ARHGAP5: variants seen among roughly 807,000 people sequenced by gnomAD.
ARHGAP5 encodes the protein Rho GTPase activating protein 5.
Under a neutral mutation model 116.6 loss-of-function variants are expected in ARHGAP5, and 23 were observed. The ratio of observed to expected loss-of-function variants is 0.20; its 90% CI spans 0.14 to 0.28. ARHGAP5 has a LOEUF of 0.28. Among genes scored for constraint, ARHGAP5 ranks in the 10% least tolerant of loss-of-function variants. The pLI is 1.00. For synonymous variants in ARHGAP5, 574 were observed against 602.0 expected (o/e 0.95, Z 0.68); for missense variants, 1,405 against 1,774.8 (o/e 0.79, Z 3.74).
intron 3 of ARHGAP5, among the ~76,000 whole-genome samples, chr14:32,133,345 C>T (rs1472926037): frequency 6.6e-6 from 1 of 152,126 alleles, no homozygotes; most frequent in East Asian, 1.9e-4. Flanking sequence ...CTCTTTGAAG[C>T]AATTGTGAAT....
chr14:32,111,784 TG>T (rs1879313696), intron 2 of ARHGAP5, among the ~76,000 whole-genome samples: 1 of 152,002 alleles, frequency 6.6e-6, no homozygotes, highest in African/African-American at 2.4e-5. Context: ...GTTTCTGTGA[TG>T]AGTTTTTTCT....
chr14:32,115,303 T>C (rs1277990011), intron 2 of ARHGAP5, among the ~76,000 whole-genome samples: 1 of 152,240 alleles, frequency 6.6e-6, no homozygotes, highest in Non-Finnish European at 1.5e-5. Flanking sequence ...AAATTCTTAC[T>C]TAATTTTGTC....
intron 3 of ARHGAP5, among the ~76,000 whole-genome samples, chr14:32,131,433 G>A (rs867800340): frequency 6.6e-6 from 1 of 151,990 alleles, no homozygotes; most frequent in African/African-American, 2.4e-5. Context: ...CATTCACATT[G>A]TTGTGCACCC....
intron 3 of ARHGAP5, among the ~76,000 whole-genome samples, chr14:32,131,833 T>A (rs1233585805): frequency 6.6e-6 from 1 of 151,594 alleles, no homozygotes; most frequent in Non-Finnish European, 1.5e-5. Flanking sequence ...GAACATGCGG[T>A]GTTTGGTTTT....
intron 3 of ARHGAP5, among the ~76,000 whole-genome samples, chr14:32,141,843 C>A (rs1030019701): frequency 1.3e-5 from 2 of 152,114 alleles, no homozygotes; most frequent in Non-Finnish European, 2.9e-5. Context: ...CTACTGTCTT[C>A]TAACCTCCAT....
At chr14:32,094,595 C>T (rs1417762877) in intron 2 of ARHGAP5, among the ~76,000 whole-genome samples, 5 of 152,100 alleles carry the variant, frequency 3.3e-5, no homozygotes, top group Admixed American at 6.5e-5. Context: ...TATTCTTCAG[C>T]ATAAAAATTC....
chr14:32,140,966 G>GT (rs1221917389), intron 3 of ARHGAP5, among the ~76,000 whole-genome samples: 1 of 152,096 alleles, frequency 6.6e-6, no homozygotes, highest in Non-Finnish European at 1.5e-5. Context: ...AATTCTGTCA[G>GT]TTTTTGCCTT....
rs556795340 is a variant in ARHGAP5, at chr14:32,140,716, T to C, written c.3866-5547T>C. On this transcript the variant is annotated intron_variant, in intron 3 of 6. Coordinates refer to ENST00000345122, the MANE Select transcript of ARHGAP5 (RefSeq NM_001030055.2). Reference sequence around the variant, plus strand: ...TCTATTATTTCATGCCTTTAAAATTTATTTAAACTTGTTTTGTGGCCTAAC... The same window carrying C: ...TCTATTATTTCATGCCTTTAAAATTCATTTAAACTTGTTTTGTGGCCTAAC... Among the ~76,000 whole-genome samples the C allele has an allele frequency of 3.3e-5, 5 of 152,386 alleles. 1 individual carries two copies. The highest frequency in any genetic ancestry group is 1.2e-4 in the African/African-American group (5 of 41,604).
At chr14:32,139,734 C>T (rs563052980) in intron 3 of ARHGAP5, among the ~76,000 whole-genome samples, 14 of 151,066 alleles carry the variant, frequency 9.3e-5, no homozygotes, top group African/African-American at 3.1e-4. Flanking sequence ...TTCTTTCATT[C>T]TGCTAGCTTT....
intron 4 of ARHGAP5, among the ~76,000 whole-genome samples, chr14:32,147,000 G>GA (rs1157650439): frequency 2.6e-5 from 4 of 152,058 alleles, no homozygotes; most frequent in African/African-American, 4.8e-5. Context: ...ACAAATAAAA[G>GA]ACTGTGACTG....
chr14:32,127,098 A>G (rs554358689), intron 3 of ARHGAP5, among the ~76,000 whole-genome samples: 7 of 151,456 alleles, frequency 4.6e-5, no homozygotes, highest in South Asian at 2.1e-4. Context: ...CCTGGGTTCA[A>G]GTGATTCTCC....
chr14:32,125,983 T>C (rs1281749790), intron 3 of ARHGAP5, among the ~76,000 whole-genome samples: 1 of 152,128 alleles, frequency 6.6e-6, no homozygotes, highest in Non-Finnish European at 1.5e-5. Flanking sequence ...TTTGCCAAAT[T>C]ATTAGCTCTA....
chr14:32,135,630 C>T (rs1310373633), intron 3 of ARHGAP5, among the ~76,000 whole-genome samples: 1 of 152,200 alleles, frequency 6.6e-6, no homozygotes, highest in Non-Finnish European at 1.5e-5. Context: ...ACCATGTTGG[C>T]CAGGCTGGTC....
intron 1 of ARHGAP5, among the ~76,000 whole-genome samples, chr14:32,088,434 T>C (rs892900542): frequency 6.6e-6 from 1 of 151,986 alleles, no homozygotes; most frequent in African/African-American, 2.4e-5. Context: ...TTGTTAGATA[T>C]GGAATCATTG....
rs1478262706 is a variant in ARHGAP5 at position 32,154,507 on chromosome 14, C to T, written c.4182-114C>T. The T allele has an allele frequency of 6.2e-6, 6 of 972,082 alleles. No homozygotes were observed. The East Asian group carries it at 1.5e-4, about 25-fold the overall frequency. 60.2% of individuals were successfully genotyped at this position (972,082 alleles called of 1,614,324 possible). On this transcript the variant is annotated intron_variant, in intron 6 of 6. Coordinates refer to ENST00000345122, the MANE Select transcript of ARHGAP5 (RefSeq NM_001030055.2). ...CTTCTTTATGCAAATTTTTAAACCC[C>T]AGGTTTGAAGTAGGATAAAAGGTAA...
chr14:32,116,194 G>C (rs563713280), intron 2 of ARHGAP5, among the ~76,000 whole-genome samples: 307 of 151,756 alleles, frequency 2.0e-3, no homozygotes, highest in African/African-American at 6.9e-3. Flanking sequence ...GGCTGAGGCA[G>C]GAGAATGACG....
Position 32,093,929 on chromosome 14 carries a change from C to A in ARHGAP5, c.3260C>A (p.Pro1087His), listed in dbSNP as rs367744131. ...VPLAHPEDMD[P>H]SDNYAEPIDT... ...TTGGCACATCCTGAAGATATGGATC[C>A]TTCAGATAACTATGCGGAACCCATT... Residue 1087 changes from proline to histidine, a missense_variant, in exon 2 of 7, where the codon CCT (proline) becomes CAT (histidine). Pro to His is a moderately conservative substitution (Grantham distance 77, BLOSUM62 -2). Around this residue, in one of 6 missense-constraint regions of ARHGAP5, gnomAD observed 944 missense variants for 1,095.3 expected, o/e 0.86. Coordinates refer to ENST00000345122, the MANE Select transcript of ARHGAP5 (RefSeq NM_001030055.2). The A allele has an allele frequency of 6.2e-7, 1 of 1,614,090 alleles. No individual in the cohort carries two copies. Among genetic ancestry groups the A allele is most frequent in the Non-Finnish European group, 8.5e-7 (1 of 1,179,994 alleles).
chr14:32,127,739 G>A (rs35813687), intron 3 of ARHGAP5, among the ~76,000 whole-genome samples: 1 of 152,096 alleles, frequency 6.6e-6, no homozygotes, highest in African/African-American at 2.4e-5. Context: ...TCACTTCCCA[G>A]ACGTGGTGGC....
chr14:32,094,319 C>A lies in ARHGAP5; in HGVS notation c.3650C>A (p.Thr1217Asn). 6.2e-7 allele frequency: 1 copy of A among 1,607,480 alleles called. No individual in the cohort carries two copies. Among genetic ancestry groups the A allele is most frequent in the Non-Finnish European group, 8.5e-7 (1 of 1,178,444 alleles). ...WKGGIDNPAI[T>N]SDQELDDKKM... is the part of the protein sequence containing the mutation. ...GGTGGTATTGATAATCCTGCAATCA[C>A]TTCTGACCAGGAGTTAGATGATAAG... The change falls in exon 2 of 7, where the codon ACT becomes AAT. Residue 1217 changes from threonine to asparagine, a missense_variant. Transcript: ENST00000345122.
Sources: allele counts gnomAD v4.1 joint callset (sites outside exome capture counted in the v4.1 genomes callset), GRCh38; gene constraint gnomAD v4.1.1; regional missense constraint gnomAD v4.1.1; transcripts MANE v1.5; gene names NCBI Gene and HGNC (gene_info 2026-07-23, HGNC 2026-07-21).